TNR: variants seen among roughly 807,000 people sequenced by gnomAD.
TNR encodes tenascin R.
A neutral mutation model predicts 150.4 loss-of-function variants in TNR; 45 were observed. The observed-to-expected ratio is 0.30, with a 90% CI of 0.24 to 0.38. The LOEUF (loss-of-function observed/expected upper bound fraction) is 0.38. Among genes scored for constraint, TNR ranks in the 10% least tolerant of loss-of-function variants. The pLI, the probability that TNR is intolerant of heterozygous loss-of-function variation, is 1.00. For missense variants in TNR, 1,544 were observed against 1,759.1 expected (o/e 0.88, Z 2.19); for synonymous variants, 687 against 678.4 (o/e 1.01, Z -0.20).
chr1:175,732,584 G>A (rs1667673107), intron 1 of TNR, among the ~76,000 whole-genome samples: 1 of 152,184 alleles, frequency 6.6e-6, no homozygotes, highest in Non-Finnish European at 1.5e-5. Flanking sequence ...CCTGACCTTT[G>A]TGGTTCAAAC....
chr1:175,678,536 C>G (rs995627683), intron 1 of TNR, among the ~76,000 whole-genome samples: 6 of 152,346 alleles, frequency 3.9e-5, no homozygotes, highest in Admixed American at 1.3e-4. Context: ...CTGAGATAAT[C>G]CTGACTCCCT....
chr1:175,489,887 A>G (rs992236115), intron 2 of TNR, among the ~76,000 whole-genome samples: 4 of 152,210 alleles, frequency 2.6e-5, no homozygotes, highest in Non-Finnish European at 4.4e-5. Context: ...TTTTATGAAC[A>G]TAATAAATTC....
At chr1:175,618,670 C>T (rs1040637931) in intron 1 of TNR, among the ~76,000 whole-genome samples, 1 of 152,140 alleles carries the variant, frequency 6.6e-6, no homozygotes, top group African/African-American at 2.4e-5. Context: ...GCCATAGGGC[C>T]GTTGCTTACA....
In TNR at chr1:175,484,920, C is replaced by T. The variant is rs80189854; in HGVS notation, c.-64+43349G>A. ...TAGAACTGTTCCTTCCAGAAAATAA[C>T]GTATCAGAAGGCAGAAAAATAATTA... is the stretch of plus-strand genomic sequence containing the variant. On this transcript the variant is annotated intron_variant, in intron 2 of 22. Transcript: ENST00000367674. 3.6e-3 allele frequency among the ~76,000 whole-genome samples: 554 copies of T among 152,202 alleles called. 2 individuals are homozygous for T. The highest frequency in any genetic ancestry group is 0.028 in the South Asian group (137 of 4,818).
intron 2 of TNR, among the ~76,000 whole-genome samples, chr1:175,449,550 T>C (rs191916154): frequency 6.6e-6 from 1 of 152,350 alleles, no homozygotes; most frequent in East Asian, 1.9e-4. Context: ...GCTAAATGAA[T>C]AGTCCTGAAG....
intron 1 of TNR, among the ~76,000 whole-genome samples, chr1:175,564,088 T>C (rs1201274149): frequency 1.3e-5 from 2 of 152,224 alleles, no homozygotes; most frequent in Non-Finnish European, 2.9e-5. Context: ...AATTATTAGC[T>C]TTAAAAGTGC....
intron 1 of TNR, among the ~76,000 whole-genome samples, chr1:175,715,998 G>A (rs904419463): frequency 1.3e-5 from 2 of 152,158 alleles, no homozygotes; most frequent in Non-Finnish European, 2.9e-5. Flanking sequence ...CGAGTAGCAG[G>A]CAGCCAGGCC....
intron 1 of TNR, among the ~76,000 whole-genome samples, chr1:175,729,927 C>A (rs1457588815): frequency 6.6e-6 from 1 of 152,096 alleles, no homozygotes; most frequent in Non-Finnish European, 1.5e-5. Flanking sequence ...GCATCTCAAT[C>A]GTCAATAAAA....
In TNR at chr1:175,464,790, C is replaced by G. The variant is rs149641620; in HGVS notation, c.-63-58013G>C. ...TTATTTATATTCTACTGCCTCCAGT[C>G]CCAGTCATTGACAATATTTATTTAT... On this transcript the variant is annotated intron_variant, in intron 2 of 22. Coordinates refer to ENST00000367674, the MANE Select transcript of TNR (RefSeq NM_003285.3). Among the ~76,000 whole-genome samples the G allele has an allele frequency of 3.7e-3, 564 of 152,260 alleles. 5 individuals carry two copies. The highest frequency in any genetic ancestry group is 0.013 in the African/African-American group (529 of 41,540).
chr1:175,396,824 C>A lies in TNR; in HGVS notation c.977-17G>T, dbSNP rs1653451820. 1 of 1,607,154 alleles carries A rather than the reference C, an allele frequency of 6.2e-7. No homozygotes were observed. Among genetic ancestry groups the A allele is most frequent in the African/African-American group, 1.3e-5 (1 of 74,942 alleles). On this transcript the variant is annotated splice_polypyrimidine_tract_variant and intron_variant, in intron 4 of 22. Coordinates refer to ENST00000367674, the MANE Select transcript of TNR (RefSeq NM_003285.3). ...GAGGGGCAACTACCGGGAGGCAATA[C>A]ACAGATAGCATGAGCTCAGAGGATT...
rs577027917 is a variant in TNR at position 175,578,028 on chromosome 1, T to C, written c.-164-49659A>G. On this transcript the variant is annotated intron_variant, in intron 1 of 22. Transcript: ENST00000367674. Reference sequence around the variant, plus strand: ...TTGAAAAGTTGTTGAAAGCAGAAAATGAAGACCCAGCCCAGGGCCTGCCGT... The same window carrying C: ...TTGAAAAGTTGTTGAAAGCAGAAAACGAAGACCCAGCCCAGGGCCTGCCGT... 3.9e-5 allele frequency among the ~76,000 whole-genome samples: 6 copies of C among 152,236 alleles called. No individual in the cohort carries two copies. In the East Asian group the frequency reaches 9.7e-4, roughly 24 times the overall value.
chr1:175,522,427 G>A (rs532859072), intron 2 of TNR, among the ~76,000 whole-genome samples: 2 of 152,316 alleles, frequency 1.3e-5, no homozygotes, highest in South Asian at 4.1e-4. Context: ...GGAGATGGGG[G>A]ATGAAAGACC....
chr1:175,598,733 C>T (rs1663111468), intron 1 of TNR, among the ~76,000 whole-genome samples: 1 of 152,132 alleles, frequency 6.6e-6, no homozygotes, highest in Non-Finnish European at 1.5e-5. Flanking sequence ...CACATCTGAC[C>T]CTGCTCCAGA....
chr1:175,535,788 C>T (rs1396320858), intron 1 of TNR, among the ~76,000 whole-genome samples: 1 of 152,042 alleles, frequency 6.6e-6, no homozygotes. Context: ...TTTCATCAAG[C>T]TTTATGGCAG....
At position 175,485,740 on chromosome 1, in the gene TNR, A is replaced by C. The variant is rs374543251; in HGVS notation, c.-64+42529T>G. Among the ~76,000 whole-genome samples the C allele has an allele frequency of 6.6e-5, 10 of 152,302 alleles. No individual in the cohort carries two copies. In the East Asian group the frequency reaches 1.9e-3, roughly 29 times the overall value. On this transcript the variant is annotated intron_variant, in intron 2 of 22. Transcript: ENST00000367674. ...GGGAATCTTGTGTGCCAAGGGATTT[A>C]GTATAATGTTTATTTATATAGAATA...
chr1:175,644,500 T>C (rs1276162335), intron 1 of TNR, among the ~76,000 whole-genome samples: 3 of 152,228 alleles, frequency 2.0e-5, no homozygotes, highest in African/African-American at 4.8e-5. Flanking sequence ...TGTTATAAAG[T>C]AGACCAGTGG....
chr1:175,697,453 A>T lies in TNR; in HGVS notation c.-165+45773T>A, dbSNP rs569019751. On this transcript the variant is annotated intron_variant, in intron 1 of 22. Coordinates refer to ENST00000367674, the MANE Select transcript of TNR (RefSeq NM_003285.3). ...AGCAATGTCACTGTTCTGAATACAG[A>T]AATACATCATCACTTGTTTTCCCTT... 9.9e-5 allele frequency among the ~76,000 whole-genome samples: 15 copies of T among 152,064 alleles called. No individual in the cohort carries two copies. The South Asian group carries it at 3.1e-3, about 32-fold the overall frequency.
chr1:175,628,170 C>T (rs146368795), intron 1 of TNR, among the ~76,000 whole-genome samples: 37 of 152,298 alleles, frequency 2.4e-4, no homozygotes, highest in African/African-American at 8.7e-4. Context: ...CTGCAGACCA[C>T]ACTCTGAGAA....
chr1:175,671,795 C>G (rs1407557570), intron 1 of TNR, among the ~76,000 whole-genome samples: 1 of 151,994 alleles, frequency 6.6e-6, no homozygotes, highest in Admixed American at 6.5e-5. Flanking sequence ...TCCTACTAGG[C>G]ACATAAAATT....
Sources: gnomAD v4.1 joint callset for allele counts (sites outside exome capture counted in the v4.1 genomes callset) on GRCh38, gnomAD v4.1.1 for gene constraint, MANE v1.5 for transcripts, NCBI Gene and HGNC (gene_info 2026-07-23, HGNC 2026-07-21) for gene names.